The following CCDC171 variants were observed in gnomAD, a reference collection of about 807,000 sequenced individuals.
CCDC171 encodes coiled-coil domain containing 171, also known as coiled-coil domain-containing protein 171.
Under a neutral mutation model 168.2 loss-of-function variants are expected in CCDC171, and 177 were observed. The observed-to-expected ratio is 1.05, with a 90% CI of 0.93 to 1.19. CCDC171 has a LOEUF of 1.19. Among genes scored for constraint, CCDC171 ranks in the 50% most tolerant of loss-of-function variants. The probability of loss-of-function intolerance (pLI) is 0.00; values close to 1 mark genes in which losing one functional copy is unlikely to be tolerated. For synonymous variants in CCDC171, 687 were observed against 540.8 expected (o/e 1.27, Z -3.75); for missense variants, 1,991 against 1,539.0 (o/e 1.29, Z -4.91).
chr9:15,961,856 C>A (rs532103969), intron 25 of CCDC171, among the ~76,000 whole-genome samples: 1 of 151,700 alleles, frequency 6.6e-6, no homozygotes, highest in Non-Finnish European at 1.5e-5. Flanking sequence ...AGAAAAAAAC[C>A]CCAACAATTC....
chr9:15,635,832 G>A (rs76967669), intron 7 of CCDC171, among the ~76,000 whole-genome samples: 1 of 152,094 alleles, frequency 6.6e-6, no homozygotes, highest in South Asian at 2.1e-4. Flanking sequence ...GGGTCACATG[G>A]TAACTATATG....
At chr9:15,956,138 G>C (rs528678311) in intron 25 of CCDC171, among the ~76,000 whole-genome samples, 15 of 152,254 alleles carry the variant, frequency 9.9e-5, no homozygotes, top group African/African-American at 2.6e-4. Context: ...TGTAAAGAAA[G>C]ATTTTCTGCG....
At chr9:15,787,170 T>A (rs921732940) in intron 21 of CCDC171, among the ~76,000 whole-genome samples, 12 of 152,184 alleles carry the variant, frequency 7.9e-5, no homozygotes, top group Non-Finnish European at 1.6e-4. Flanking sequence ...GCTACATGTA[T>A]GCATTGTGGA....
At chr9:15,758,779 G>T (rs1026031687) in intron 18 of CCDC171, among the ~76,000 whole-genome samples, 12 of 152,120 alleles carry the variant, frequency 7.9e-5, no homozygotes, top group African/African-American at 2.7e-4. Flanking sequence ...GTCTCACAAG[G>T]TTTGATAGTT....
intron 7 of CCDC171, among the ~76,000 whole-genome samples, chr9:15,634,441 G>T (rs1156954002): frequency 6.6e-6 from 1 of 152,120 alleles, no homozygotes; most frequent in Non-Finnish European, 1.5e-5. Context: ...TTAATGTGCA[G>T]ACATCCCCCT....
intron 11 of CCDC171, among the ~76,000 whole-genome samples, chr9:15,713,924 G>A (rs923396809): frequency 2.0e-5 from 3 of 151,462 alleles, no homozygotes; most frequent in African/African-American, 7.3e-5. Flanking sequence ...GGCAACAAAG[G>A]TACATTGCTG....
At chr9:15,663,364 A>G (rs116623119) in intron 8 of CCDC171, among the ~76,000 whole-genome samples, 1,846 of 152,256 alleles carry the variant, frequency 0.012, 45 homozygotes, top group African/African-American at 0.042. Flanking sequence ...TTATTTTCTG[A>G]AAAGGTAAAC....
At position 15,983,511 on chromosome 9, in the gene CCDC171, T is replaced by TGTGTGA. The variant is rs1554707509; in HGVS notation, n.369-37077_369-37076insTGTGAG. ...GTGTGTGTGTGTGTGTGTGTGTGTG[T>TGTGTGA]GAGAGAGAGAGAATCTCTGAAGCAT... On this transcript the variant is annotated intron_variant and non_coding_transcript_variant, in intron 3 of 9. Coordinates refer to the CCDC171 transcript ENST00000486641. Among the ~76,000 whole-genome samples, 572 of 137,346 alleles carry TGTGTGA rather than the reference T, an allele frequency of 4.2e-3. 4 individuals carry two copies. Among genetic ancestry groups the TGTGTGA allele is most frequent in the South Asian group, 0.011 (47 of 4,132 alleles). The allele number at this position is 137,346 out of a possible 152,430, so 90.1% of individuals were successfully genotyped here. A position where few individuals can be genotyped will look rare whatever the true frequency, so the allele number is the denominator to read the frequency against.
At chr9:16,018,698 C>T (rs1257080349) in intron 3 of CCDC171, among the ~76,000 whole-genome samples, 1 of 152,244 alleles carries the variant, frequency 6.6e-6, no homozygotes, top group Non-Finnish European at 1.5e-5. Flanking sequence ...TGTGCTCCAA[C>T]ACAGTGGCCC....
intron 25 of CCDC171, among the ~76,000 whole-genome samples, chr9:15,954,861 T>G (rs1399571904): frequency 6.6e-6 from 1 of 152,132 alleles, no homozygotes; most frequent in Non-Finnish European, 1.5e-5. Flanking sequence ...CTTTCTTTAG[T>G]TCTCTGAGCA....
intron 21 of CCDC171, among the ~76,000 whole-genome samples, chr9:15,827,501 G>A (rs1265550277): frequency 1.3e-5 from 2 of 152,172 alleles, no homozygotes; most frequent in African/African-American, 4.8e-5. Context: ...AGAGAAGAGT[G>A]TCATCTTGAA....
intron 20 of CCDC171, among the ~76,000 whole-genome samples, chr9:15,779,929 A>G (rs921202924): frequency 6.6e-6 from 1 of 152,226 alleles, no homozygotes; most frequent in African/African-American, 2.4e-5. Context: ...TGCTGTTTTT[A>G]ATGTGGATAT....
At position 16,043,343 on chromosome 9, in the gene CCDC171, T is replaced by A. The variant is rs1365928245; in HGVS notation, n.89+457T>A. Reference sequence around the variant, plus strand: ...TCTTGGATGACTGTTGTTAATTTATTATGACTATCATTTGTATTAGGGAGC... The same window carrying A: ...TCTTGGATGACTGTTGTTAATTTATAATGACTATCATTTGTATTAGGGAGC... On this transcript the variant is annotated intron_variant and non_coding_transcript_variant, in intron 1 of 1. Coordinates refer to the CCDC171 transcript ENST00000478913. 2.6e-5 allele frequency among the ~76,000 whole-genome samples: 4 copies of A among 152,216 alleles called. No individual in the cohort carries two copies. The East Asian group carries it at 7.7e-4, about 29-fold the overall frequency.
chr9:15,860,030 A>G (rs1000402205), intron 23 of CCDC171, among the ~76,000 whole-genome samples: 15 of 151,396 alleles, frequency 9.9e-5, no homozygotes, highest in South Asian at 4.2e-4. Context: ...CATGTTTCTT[A>G]GAATTTATCC....
chr9:16,101,407 G>A, the CCDC171 span, among the ~76,000 whole-genome samples: 1 of 152,216 alleles, frequency 6.6e-6, no homozygotes, highest in African/African-American at 2.4e-5. Flanking sequence ...AGAATTCTGA[G>A]ATGCTCCCCA....
At chr9:15,709,749 C>T (rs2052517425) in intron 11 of CCDC171, among the ~76,000 whole-genome samples, 1 of 152,084 alleles carries the variant, frequency 6.6e-6, no homozygotes, top group East Asian at 1.9e-4. Context: ...TTCTTACTCC[C>T]AAGAGAAACC....
chr9:15,559,540 G>T (rs942869034), intron 1 of CCDC171, among the ~76,000 whole-genome samples: 16 of 152,068 alleles, frequency 1.1e-4, no homozygotes, highest in African/African-American at 3.9e-4. Context: ...TCTTATCAGA[G>T]ATTAGGATTG....
chr9:15,634,874 C>T (rs969443515), intron 7 of CCDC171, among the ~76,000 whole-genome samples: 9 of 152,192 alleles, frequency 5.9e-5, no homozygotes, highest in Non-Finnish European at 8.8e-5. Flanking sequence ...TCTAGACATT[C>T]CTTACAAGTG....
At chr9:15,589,449 T>C (rs2041830563) in intron 4 of CCDC171, among the ~76,000 whole-genome samples, 1 of 152,206 alleles carries the variant, frequency 6.6e-6, no homozygotes, top group Admixed American at 6.5e-5. Context: ...CATTTTCATT[T>C]CACTTCCTAA....
Sources: gnomAD v4.1 joint callset for allele counts (sites outside exome capture counted in the v4.1 genomes callset) on GRCh38, gnomAD v4.1.1 for gene constraint, MANE v1.5 for transcripts, NCBI Gene and HGNC (gene_info 2026-07-23, HGNC 2026-07-21) for gene names.